MATN4: variants seen among roughly 807,000 people sequenced by gnomAD.
The protein encoded by MATN4 is matrilin 4.
In MATN4, 40 loss-of-function variants were observed where a neutral mutation model predicts 54.6. The ratio of observed to expected loss-of-function variants is 0.73; its 90% CI spans 0.57 to 0.95. The LOEUF (loss-of-function observed/expected upper bound fraction) is 0.95, where lower values mean the gene tolerates loss of function less well. MATN4 is among the 40% of genes least tolerant of loss of function. The probability of loss-of-function intolerance (pLI) is 0.00; values close to 1 mark genes in which losing one functional copy is unlikely to be tolerated. For missense variants in MATN4, 810 were observed against 819.1 expected (o/e 0.99, Z 0.13); for synonymous variants, 351 against 345.3 (o/e 1.02, Z -0.18).
At chr20:45,304,828 G>A in intron 2 of MATN4, 31 bp from the exon 3 acceptor site, 1 of 1,451,068 alleles carries the variant, frequency 6.9e-7, no homozygotes, top group Non-Finnish European at 9.4e-7. Context: ...ACTCTCCTAG[G>A]TCAGCAAAGC....
rs138228405 is a variant in MATN4, at chr20:45,307,662, C to G, written c.-35+513G>C. Among the ~76,000 whole-genome samples, 962 of 152,318 alleles carry G rather than the reference C, an allele frequency of 6.3e-3. 29 individuals carry two copies. Among genetic ancestry groups the G allele is most frequent in the Admixed American group, 0.047 (723 of 15,304 alleles). On this transcript the variant is annotated intron_variant, in intron 1 of 9. Coordinates refer to ENST00000372756, the MANE Select transcript of MATN4 (RefSeq NM_001393530.1). ...CTTCTCACCTGGCACCCTGCCTCCACCCCAGGAATCCTAGAAAGTCAAAAT... is the reference window on the plus strand; with the variant it reads ...CTTCTCACCTGGCACCCTGCCTCCAGCCCAGGAATCCTAGAAAGTCAAAAT...
At position 45,296,423 on chromosome 20, in the gene MATN4, A is replaced by C. The variant is rs370597023; in HGVS notation, c.1579+1495T>G. ...TTAGTCTTATATGTACTATGAACAA[A>C]CTGCTGGAATCCAGCAAAGACCCCT... On this transcript the variant is annotated intron_variant, in intron 8 of 9. Transcript: ENST00000372756. 7.2e-4 allele frequency among the ~76,000 whole-genome samples: 110 copies of C among 152,286 alleles called. 2 individuals carry two copies. The South Asian group carries it at 0.022, about 30-fold the overall frequency.
In MATN4 at chr20:45,298,583, C is replaced by A. The variant is rs763614605; in HGVS notation, c.1013G>T (p.Arg338Leu). The change falls in exon 7 of 10, where the codon CGG becomes CTG. Residue 338 changes from arginine to leucine, a missense_variant and splice_region_variant. Coordinates refer to ENST00000372756, the MANE Select transcript of MATN4 (RefSeq NM_001393530.1). The surrounding 1 kb of genome is among the most constrained non-coding windows in gnomAD (Gnocchi z 4.6). ...QLQADGKSCN[R>L]CREGHVDLVL... ...AAGGTCCACGTGGCCTTCCCGGCACCCTGCACAGCCAGAAAAGCTTGAATT... is the reference window on the plus strand; with the variant it reads ...AAGGTCCACGTGGCCTTCCCGGCACACTGCACAGCCAGAAAAGCTTGAATT... 6.5e-7 allele frequency: 1 copy of A among 1,532,154 alleles called. No homozygotes were observed. Among genetic ancestry groups the A allele is most frequent in the Admixed American group, 2.0e-5 (1 of 48,962 alleles). The allele number at this position is 1,532,154 out of a possible 1,614,324, so 94.9% of individuals were successfully genotyped here.
At chr20:45,300,768 C>T in intron 6 of MATN4, 119 bp downstream of exon 6, 2 of 1,292,982 alleles carry the variant, frequency 1.5e-6, no homozygotes, top group East Asian at 2.4e-5. Context: ...GTCACCCCCA[C>T]AACACACACA....
intron 1 of MATN4, among the ~76,000 whole-genome samples, 189 bp from the exon 2 acceptor site, chr20:45,305,805 C>CTTTTTTTTTTTTTTTTTTTTTTTTTTTGT (rs758735302): frequency 1.5e-5 from 1 of 64,676 alleles, no homozygotes; most frequent in Non-Finnish European, 2.6e-5. Flanking sequence ...ACAAGAGATT[C>CTTTTTTTTTTTTTTTTTTTTTTTTTTTGT]TTTTTTTTTT....
chr20:45,301,120 C>T lies in MATN4; in HGVS notation c.871G>A (p.Asp291Asn). The T allele has an allele frequency of 6.2e-7, 1 of 1,614,210 alleles. No individual in the cohort carries two copies. The change falls in exon 5 of 10, where the codon GAT becomes AAT. Residue 291 changes from aspartate (D) to asparagine (N), a missense_variant. Coordinates refer to ENST00000372756, the MANE Select transcript of MATN4 (RefSeq NM_001393530.1). ...TCCTCACCCTGACAGCTCCTCCCAT[C>T]AGGCTGCAAGTCATGGCCCTCTCTG... The part of the protein sequence containing the change: ...HCREGHDLQP[D>N]GRSCQVRDLC...
Position 45,305,509 on chromosome 20 carries a change from C to T in MATN4, c.73+1G>A, listed in dbSNP as rs899335822. 7.7e-6 allele frequency: 12 copies of T among 1,553,446 alleles called. No individual in the cohort carries two copies. The highest frequency in any genetic ancestry group is 1.0e-5 in the Non-Finnish European group (12 of 1,148,116). On this transcript the variant is annotated splice_donor_variant, in intron 2 of 9. Coordinates refer to ENST00000372756, the MANE Select transcript of MATN4 (RefSeq NM_001393530.1). LOFTEE classifies it high-confidence loss of function. ...CTGGTGAGGGCTGGGCCCCAGTTCACCTGTCAACTGGAGCTGGGTTTCCCA... is the reference window on the plus strand; with the variant it reads ...CTGGTGAGGGCTGGGCCCCAGTTCATCTGTCAACTGGAGCTGGGTTTCCCA...
intron 8 of MATN4, 148 bp downstream of exon 8, chr20:45,297,770 T>C (rs1985937361): frequency 1.0e-6 from 1 of 982,104 alleles, no homozygotes; most frequent in East Asian, 2.4e-5. Flanking sequence ...GCCGCTGGCC[T>C]GCAGACCACA....
intron 6 of MATN4, among the ~76,000 whole-genome samples, chr20:45,300,169 G>A (rs1986136522): frequency 6.6e-6 from 1 of 152,184 alleles, no homozygotes; most frequent in South Asian, 2.1e-4. Context: ...AATGATCTAA[G>A]ACAGTCTTGA....
rs754511732 is a variant in MATN4 at position 45,300,923 on chromosome 20, C to T, written c.976G>A (p.Gly326Arg). ...TTGCCATCTGCCTGAAGTTGCCGCC[C>T]CTCGGGGCACAGGCAGCGGTAGGAG... ...GLSYRCLCPE[G>R]RQLQADGKSC... is the part of the protein sequence containing the mutation. The change falls in exon 6 of 10, where the codon GGG (glycine) becomes AGG (arginine). Residue 326 changes from glycine to arginine, a missense_variant. Physicochemically the swap from Gly to Arg is moderately radical, Grantham distance 125. Transcript: ENST00000372756. 5 of 1,613,576 alleles carry T rather than the reference C, an allele frequency of 3.1e-6. No homozygotes were observed. In the East Asian group the frequency reaches 1.1e-4, roughly 36 times the overall value.
At chr20:45,307,345 A>G (rs733380) in intron 1 of MATN4, among the ~76,000 whole-genome samples, 42,886 of 152,040 alleles carry the variant, frequency 0.28, 6,921 homozygotes, top group East Asian at 0.74. Flanking sequence ...CGACCTTCTC[A>G]TCCCGGATTC....
chr20:45,297,743 T>C (rs1258342726), intron 8 of MATN4, among the ~76,000 whole-genome samples, 175 bp downstream of exon 8: 1 of 152,192 alleles, frequency 6.6e-6, no homozygotes, highest in Non-Finnish European at 1.5e-5. Flanking sequence ...TCTAAGAAGC[T>C]ACCGGGTGAC....
In MATN4 at chr20:45,304,531, C is replaced by G. The variant is rs757734856; in HGVS notation, c.340G>C (p.Gly114Arg). 4 of 1,594,506 alleles carry G rather than the reference C, an allele frequency of 2.5e-6. No individual in the cohort carries two copies. The African/African-American group carries it at 4.0e-5, about 16-fold the overall frequency. ...TTCATGGCGTACTGGATTGCCAGTCCCGTCATGGTGCCTTGCGCCAGAGGC... is the reference window on the plus strand; with the variant it reads ...TTCATGGCGTACTGGATTGCCAGTCGCGTCATGGTGCCTTGCGCCAGAGGC... ...LVPLAQGTMTGLAIQYAMNVA... is the reference protein window; with the variant it reads ...LVPLAQGTMTRLAIQYAMNVA... The change falls in exon 3 of 10, where the codon GGA becomes CGA. Residue 114 changes from glycine (G) to arginine (R), a missense_variant. Coordinates refer to ENST00000372756, the MANE Select transcript of MATN4 (RefSeq NM_001393530.1).
chr20:45,298,345 G>T lies in MATN4; in HGVS notation c.1251C>A (p.Tyr417Ter). The T allele has an allele frequency of 1.2e-6, 2 of 1,613,412 alleles. No individual in the cohort carries two copies. Among genetic ancestry groups the T allele is most frequent in the Non-Finnish European group, 1.7e-6 (2 of 1,179,800 alleles). ...GCCCTGTCATGGTGCCGCGTTCCAT[G>T]TACTCCACGGCCAGGACCGCCTGCT... is the stretch of plus-strand genomic sequence containing the variant. Reference protein sequence around the residue: ...EVKQAVLAVEYMERGTMTGLA... With the variant: ...EVKQAVLAVE The change falls in exon 7 of 10, where the codon TAC (tyrosine) becomes TAA (stop). Residue 417 changes from tyrosine to a stop codon, truncating the protein, a stop_gained. Transcript: ENST00000372756. LOFTEE classifies it high-confidence loss of function. The surrounding 1 kb of genome is among the most constrained non-coding windows in gnomAD (Gnocchi z 4.6).
intron 6 of MATN4, among the ~76,000 whole-genome samples, chr20:45,299,760 C>G (rs1986093730): frequency 6.6e-6 from 1 of 151,404 alleles, no homozygotes; most frequent in Non-Finnish European, 1.5e-5. Context: ...CACCTGTAGT[C>G]TCAGCTACTC....
Position 45,301,184 on chromosome 20 carries a change from A to T in MATN4, c.807T>A (p.His269Gln), listed in dbSNP as rs760602368. The T allele has an allele frequency of 6.2e-7, 1 of 1,614,128 alleles. No homozygotes were observed. Among genetic ancestry groups the T allele is most frequent in the Admixed American group, 1.7e-5 (1 of 60,024 alleles). The change falls in exon 5 of 10, where the codon CAT becomes CAA. Residue 269 changes from histidine to glutamine, a missense_variant. By Grantham distance (24) the His-to-Gln change is conservative. Transcript: ENST00000372756. ...GCCCACCAGGGGTGCTAACACACTC[A>T]TGCTGACAGCTATGGTTCCCAAAGC... Reference protein sequence around the residue: ...YCSFGNHSCQHECVSTPGGPR... With the variant: ...YCSFGNHSCQQECVSTPGGPR...
rs779994527 is a variant in MATN4 at position 45,298,513 on chromosome 20, G to T, written c.1083C>A (p.Phe361Leu). ...DGSKSVRPQN[F>L]ELVKRFVNQI... The stretch of plus-strand genomic sequence containing the variant: ...GGTTCACGAAGCGCTTCACTAGCTC[G>T]AAGTTTTGTGGACGCACGCTCTTGG... The change falls in exon 7 of 10, where the codon TTC becomes TTA. Residue 361 changes from phenylalanine to leucine, a missense_variant. Physicochemically the swap from Phe to Leu is conservative, Grantham distance 22 (BLOSUM62 0). Coordinates refer to ENST00000372756, the MANE Select transcript of MATN4 (RefSeq NM_001393530.1). This position sits in a 1 kb window ranked among gnomAD's most constrained non-coding sequence, Gnocchi z 4.6. 6.2e-7 allele frequency: 1 copy of T among 1,611,990 alleles called. No homozygotes were observed. Among genetic ancestry groups the T allele is most frequent in the South Asian group, 1.1e-5 (1 of 90,816 alleles).
chr20:45,304,646 C>T lies in MATN4; in HGVS notation c.225G>A (p.Val75=). ...TCTGCACTTGACTCGAATACTGGAT[C>T]ACGCCAACGCGCGTGGCGTTGGGAC... ...NVGPNATRVG[V]IQYSSQVQSV... is the part of the protein sequence containing the mutation. The change falls in exon 3 of 10, where the codon GTG becomes GTA. Residue 75 remains valine (V), a synonymous_variant. Coordinates refer to ENST00000372756, the MANE Select transcript of MATN4 (RefSeq NM_001393530.1). The T allele has an allele frequency of 1.2e-6, 2 of 1,610,936 alleles. No homozygotes were observed. Among genetic ancestry groups the T allele is most frequent in the Non-Finnish European group, 1.7e-6 (2 of 1,177,814 alleles).
intron 1 of MATN4, chr20:45,307,003 C>G (rs1327474234): frequency 3.0e-6 from 3 of 1,015,418 alleles, no homozygotes; most frequent in African/African-American, 1.7e-5. Context: ...GAAGGACCAC[C>G]CCCCCACCCC....
Sources: allele counts gnomAD v4.1 joint callset (sites outside exome capture counted in the v4.1 genomes callset), GRCh38; gene constraint gnomAD v4.1.1; non-coding constraint Gnocchi (gnomAD v3.1); transcripts MANE v1.5; gene names NCBI Gene and HGNC (gene_info 2026-07-23, HGNC 2026-07-21).